The following EYS variants were observed in gnomAD, a reference collection of about 807,000 sequenced individuals.
The protein encoded by EYS is protein eyes shut homolog.
Under a neutral mutation model 282.1 loss-of-function variants are expected in EYS, and 250 were observed. The observed-to-expected ratio is 0.89, with a 90% CI of 0.80 to 0.98. The LOEUF (loss-of-function observed/expected upper bound fraction) is 0.98. Among genes scored for constraint, EYS ranks in the 50% least tolerant of loss-of-function variants. The pLI is 0.00. For synonymous variants in EYS, 1,355 were observed against 1,282.9 expected (o/e 1.06, Z -1.20); for missense variants, 4,016 against 3,709.0 (o/e 1.08, Z -2.15).
At chr6:64,921,579 C>G (rs933766565) in intron 15 of EYS, among the ~76,000 whole-genome samples, 1 of 152,094 alleles carries the variant, frequency 6.6e-6, no homozygotes. Context: ...CTTAGTCAAG[C>G]CGGAGTCCAA....
chr6:65,476,765 C>T (rs990609226), intron 5 of EYS, among the ~76,000 whole-genome samples: 17 of 152,052 alleles, frequency 1.1e-4, no homozygotes, highest in East Asian at 3.9e-4. Flanking sequence ...GTAGTAGAGA[C>T]GGGGTTTCAC....
chr6:64,534,790 C>T (rs1170653452), intron 26 of EYS, among the ~76,000 whole-genome samples: 3 of 150,204 alleles, frequency 2.0e-5, no homozygotes, highest in Non-Finnish European at 4.4e-5. Context: ...AGGAATTTAA[C>T]ACCATCTTTT....
At chr6:64,122,522 C>G (rs1464484595) in intron 31 of EYS, among the ~76,000 whole-genome samples, 1 of 151,988 alleles carries the variant, frequency 6.6e-6, no homozygotes, top group South Asian at 2.1e-4. Context: ...GACTATGGAG[C>G]CTAGAGCCAG....
At chr6:65,006,503 C>CA (rs59057058) in intron 13 of EYS, among the ~76,000 whole-genome samples, 1,093 of 83,310 alleles carry the variant, frequency 0.013, 69 homozygotes, top group South Asian at 0.05. Context: ...TATTCTAAGT[C>CA]AAAAAAAAAA....
At chr6:64,147,774 C>T (rs75693675) in intron 31 of EYS, among the ~76,000 whole-genome samples, 4,268 of 152,238 alleles carry the variant, frequency 0.028, 64 homozygotes, top group Non-Finnish European at 0.045. Context: ...CTTCTTTGCC[C>T]GTGCTATGTA....
intron 12 of EYS, among the ~76,000 whole-genome samples, chr6:65,220,326 G>T (rs1004610538): frequency 5.3e-5 from 8 of 152,128 alleles, no homozygotes; most frequent in Non-Finnish European, 1.0e-4. Context: ...GCTAGGTAGT[G>T]AGGGTAACAC....
At chr6:64,650,152 C>T (rs1768506779) in intron 22 of EYS, among the ~76,000 whole-genome samples, 1 of 151,748 alleles carries the variant, frequency 6.6e-6, no homozygotes, top group African/African-American at 2.4e-5. Flanking sequence ...GATATATAGC[C>T]ATGCAAATAC....
At position 65,644,507 on chromosome 6, in the gene EYS, G is replaced by A. The variant is rs73455523; in HGVS notation, c.-447-4615C>T. On this transcript the variant is annotated intron_variant, in intron 1 of 42. Coordinates refer to ENST00000503581, the MANE Select transcript of EYS (RefSeq NM_001142800.2). ...AAACATACCTGAGAGAACAATCAAAGACAACATCCCCAGCCTTGCTAGAGA... is the reference window on the plus strand; with the variant it reads ...AAACATACCTGAGAGAACAATCAAAAACAACATCCCCAGCCTTGCTAGAGA... Among the ~76,000 whole-genome samples, 1,000 of 152,258 alleles carry A rather than the reference G, an allele frequency of 6.6e-3. 8 individuals carry two copies. Among genetic ancestry groups the A allele is most frequent in the African/African-American group, 0.023 (941 of 41,552 alleles).
chr6:65,349,842 CT>C (rs1770533455), intron 9 of EYS, among the ~76,000 whole-genome samples: 1 of 151,390 alleles, frequency 6.6e-6, no homozygotes, highest in South Asian at 2.1e-4. Context: ...TTAGAATTTT[CT>C]TTCAGATTAT....
intron 19 of EYS, among the ~76,000 whole-genome samples, chr6:64,823,532 G>T (rs1003728905): frequency 6.6e-6 from 1 of 151,878 alleles, no homozygotes; most frequent in Non-Finnish European, 1.5e-5. Flanking sequence ...TTGTAGAATT[G>T]TTAGAATAAT....
chr6:64,657,298 C>A (rs1383946810), intron 22 of EYS, among the ~76,000 whole-genome samples: 3 of 152,130 alleles, frequency 2.0e-5, no homozygotes, highest in Non-Finnish European at 4.4e-5. Flanking sequence ...TGGGTCTTGA[C>A]TTTTTATCCA....
intron 12 of EYS, among the ~76,000 whole-genome samples, chr6:65,266,937 T>A (rs989129370): frequency 8.6e-6 from 1 of 116,608 alleles, no homozygotes; most frequent in Admixed American, 8.0e-5. Context: ...TACACAAACA[T>A]TGATATATAT....
At chr6:64,313,660 GC>G (rs2150379887) in intron 29 of EYS, among the ~76,000 whole-genome samples, 1 of 152,256 alleles carries the variant, frequency 6.6e-6, no homozygotes, top group East Asian at 1.9e-4. Flanking sequence ...ACAAAAGGAA[GC>G]CCATCAGACT....
chr6:64,016,572 C>T (rs543398508), intron 33 of EYS, among the ~76,000 whole-genome samples: 1 of 150,924 alleles, frequency 6.6e-6, no homozygotes, highest in South Asian at 2.1e-4. Flanking sequence ...ATCTCCTGAT[C>T]ACATGCAATC....
At chr6:64,206,934 A>G (rs1373853936) in intron 31 of EYS, among the ~76,000 whole-genome samples, 1 of 152,048 alleles carries the variant, frequency 6.6e-6, no homozygotes, top group African/African-American at 2.4e-5. Flanking sequence ...TATTAAGCCT[A>G]ATACCCATTA....
At position 65,402,617 on chromosome 6, in the gene EYS, TA is replaced by T. The variant is rs753320968; in HGVS notation, c.1057-13del. 14 of 1,542,774 alleles carry T rather than the reference TA, an allele frequency of 9.1e-6. No individual in the cohort carries two copies. Among genetic ancestry groups the T allele is most frequent in the African/African-American group, 2.7e-5 (2 of 73,202 alleles). ...ATGCACATAACATCCTAGGAAAGAT[TA>T]AAAAAATATTTTTACAAAGTATTAT... On this transcript the variant is annotated splice_polypyrimidine_tract_variant and intron_variant, in intron 6 of 42. Coordinates refer to ENST00000503581, the MANE Select transcript of EYS (RefSeq NM_001142800.2).
intron 1 of EYS, among the ~76,000 whole-genome samples, chr6:65,666,807 T>C (rs1454379760): frequency 6.6e-6 from 1 of 151,396 alleles, no homozygotes; most frequent in Non-Finnish European, 1.5e-5. Flanking sequence ...AGGTTCTTTA[T>C]CTGTTATTTG....
At chr6:64,700,703 A>G (rs564435700) in intron 22 of EYS, among the ~76,000 whole-genome samples, 10 of 152,126 alleles carry the variant, frequency 6.6e-5, no homozygotes, top group African/African-American at 2.4e-4. Context: ...ATTACATTAC[A>G]CTGATGAAAC....
intron 35 of EYS, among the ~76,000 whole-genome samples, chr6:63,938,393 G>T (rs190907749): frequency 4.2e-4 from 64 of 152,296 alleles, no homozygotes; most frequent in Admixed American, 1.6e-3. Context: ...AGGAAACAGG[G>T]CTCTGCAGAA....
Sources: allele counts gnomAD v4.1 joint callset (sites outside exome capture counted in the v4.1 genomes callset), GRCh38; gene constraint gnomAD v4.1.1; transcripts MANE v1.5; gene names NCBI Gene and HGNC (gene_info 2026-07-23, HGNC 2026-07-21).